Variants in UNC13C observed in about 807,000 individuals in gnomAD.
UNC13C encodes the protein unc-13 homolog C, also known as protein unc-13 homolog C.
UNC13C carries 174 observed loss-of-function variants against 245.4 expected under a neutral mutation model. The ratio of observed to expected loss-of-function variants is 0.71; its 90% confidence interval spans 0.63 to 0.80. UNC13C has a LOEUF of 0.80. Among genes scored for constraint, UNC13C ranks in the 30% least tolerant of loss-of-function variants. The pLI, the probability that UNC13C is intolerant of heterozygous loss-of-function variation, is 0.00. For missense variants in UNC13C, 2,829 were observed against 2,602.9 expected (o/e 1.09, Z -1.89); for synonymous variants, 992 against 895.1 (o/e 1.11, Z -1.93).
chr15:53,859,733 T>C, the UNC13C span, among the ~76,000 whole-genome samples: 4 of 152,288 alleles, frequency 2.6e-5, no homozygotes, highest in East Asian at 7.7e-4. Context: ...GGAAGACAGT[T>C]CTAGGCTGTT....
the UNC13C span, among the ~76,000 whole-genome samples, chr15:53,840,557 A>G: frequency 2.6e-5 from 4 of 152,178 alleles, no homozygotes; most frequent in Admixed American, 2.6e-4. Flanking sequence ...TAAGCACCTG[A>G]GGTGAAGCCT....
At chr15:53,942,960 G>T in the UNC13C span, among the ~76,000 whole-genome samples, 2 of 152,186 alleles carry the variant, frequency 1.3e-5, no homozygotes, top group African/African-American at 4.8e-5. Flanking sequence ...ATTGTGCCCA[G>T]CCTATCCTGT....
intron 26 of UNC13C, among the ~76,000 whole-genome samples, chr15:54,543,768 A>G (rs1896356270): frequency 6.6e-6 from 1 of 152,146 alleles, no homozygotes; most frequent in Non-Finnish European, 1.5e-5. Flanking sequence ...CCCTGAATAG[A>G]CCAATAACAA....
chr15:53,927,034 C>T, the UNC13C span, among the ~76,000 whole-genome samples: 4 of 152,162 alleles, frequency 2.6e-5, no homozygotes, highest in African/African-American at 9.7e-5. Context: ...CCCACTTATA[C>T]AGTATTGTAC....
At chr15:54,409,698 AG>A (rs1164484239) in intron 18 of UNC13C, among the ~76,000 whole-genome samples, 5 of 152,296 alleles carry the variant, frequency 3.3e-5, no homozygotes, top group African/African-American at 1.2e-4. Flanking sequence ...GTTGCTGCAA[AG>A]GACATGATTT....
rs1159638108 is a variant in UNC13C, at chr15:54,111,929, G to T, written c.2984-31089G>T. 2.0e-5 allele frequency among the ~76,000 whole-genome samples: 3 copies of T among 152,094 alleles called. No individual in the cohort carries two copies. The East Asian group carries it at 5.8e-4, about 29-fold the overall frequency. On this transcript the variant is annotated intron_variant, in intron 2 of 32. Coordinates refer to ENST00000260323, the MANE Select transcript of UNC13C (RefSeq NM_001080534.3). ...AGAAATGGTGGCATGCAAAGTCTTT[G>T]ATTTATAGAGAACCTTTTGCCACAG...
chr15:54,428,535 A>G (rs2040803583), intron 19 of UNC13C, among the ~76,000 whole-genome samples: 2 of 151,526 alleles, frequency 1.3e-5, no homozygotes, highest in Non-Finnish European at 3.0e-5. Flanking sequence ...GCCACCCTCA[A>G]TCTATCAGCC....
intron 2 of UNC13C, chr15:54,048,601 C>G (rs1765546979): frequency 2.7e-6 from 1 of 371,292 alleles, no homozygotes; most frequent in Admixed American, 3.5e-5. Flanking sequence ...CCAATTGCTG[C>G]ATAGCCTATT....
intron 10 of UNC13C, among the ~76,000 whole-genome samples, chr15:54,292,544 G>T (rs536043940): frequency 6.6e-6 from 1 of 151,976 alleles, no homozygotes; most frequent in East Asian, 1.9e-4. Flanking sequence ...TGCCTTATAA[G>T]TTAATGAAAG....
the UNC13C span, among the ~76,000 whole-genome samples, chr15:53,972,476 G>A: frequency 2.6e-5 from 4 of 152,172 alleles, no homozygotes; most frequent in African/African-American, 9.7e-5. Context: ...ATATGTTCTT[G>A]ACTTGCTTCA....
chr15:53,857,271 A>G, the UNC13C span, among the ~76,000 whole-genome samples: 69,892 of 152,092 alleles, frequency 0.46, 16,391 homozygotes, highest in Middle Eastern at 0.59. Flanking sequence ...TAATTCAGCT[A>G]AAGTTTCTCT....
chr15:53,877,943 T>C, the UNC13C span, among the ~76,000 whole-genome samples: 2 of 152,218 alleles, frequency 1.3e-5, no homozygotes, highest in African/African-American at 4.8e-5. Context: ...TGTTCTCTTT[T>C]GTTTGTTTCA....
intron 3 of UNC13C, among the ~76,000 whole-genome samples, chr15:54,143,243 A>G (rs2032106141): frequency 6.6e-6 from 1 of 152,158 alleles, no homozygotes; most frequent in Non-Finnish European, 1.5e-5. Flanking sequence ...AGCTGCGCTT[A>G]CCTTAGCTAT....
intron 4 of UNC13C, among the ~76,000 whole-genome samples, chr15:54,151,009 A>C (rs549347469): frequency 6.6e-6 from 1 of 152,264 alleles, no homozygotes; most frequent in East Asian, 1.9e-4. Context: ...ATAGTTCACC[A>C]AGTTGTAGAT....
At chr15:53,858,122 T>C in the UNC13C span, among the ~76,000 whole-genome samples, 2 of 152,222 alleles carry the variant, frequency 1.3e-5, no homozygotes, top group Non-Finnish European at 2.9e-5. Context: ...ATGTTTAATT[T>C]CTTCATTTTT....
At chr15:54,558,329 G>A (rs988273401) in intron 29 of UNC13C, among the ~76,000 whole-genome samples, 11 of 151,926 alleles carry the variant, frequency 7.2e-5, no homozygotes, top group African/African-American at 2.7e-4. Context: ...TTTTTCCGAG[G>A]CCATAGCTCT....
At chr15:53,935,156 TAA>T in the UNC13C span, among the ~76,000 whole-genome samples, 10 of 150,094 alleles carry the variant, frequency 6.7e-5, no homozygotes, top group East Asian at 5.9e-4. Flanking sequence ...TCCTCCTGAT[TAA>T]AAAAAAAAAC....
chr15:53,851,904 T>C, the UNC13C span, among the ~76,000 whole-genome samples: 1 of 152,208 alleles, frequency 6.6e-6, no homozygotes, highest in Non-Finnish European at 1.5e-5. Context: ...CTGTACCTCA[T>C]CCCATGCATC....
At chr15:54,555,394 C>T (rs912959946) in intron 28 of UNC13C, 38 bp from the exon 29 acceptor site, 11 of 1,562,782 alleles carry the variant, frequency 7.0e-6, no homozygotes, top group Middle Eastern at 1.7e-4. Context: ...AATACATGAA[C>T]TGGTTGTTTT....
Sources: gnomAD v4.1 joint callset for allele counts (sites outside exome capture counted in the v4.1 genomes callset) on GRCh38, gnomAD v4.1.1 for gene constraint, MANE v1.5 for transcripts, NCBI Gene and HGNC (gene_info 2026-07-23, HGNC 2026-07-21) for gene names.